The following ALG14 variants were observed in gnomAD, a reference collection of about 807,000 sequenced individuals.
ALG14 encodes ALG14 UDP-N-acetylglucosaminyltransferase subunit, also known as UDP-N-acetylglucosamine transferase subunit ALG14.
In ALG14, 17 loss-of-function variants were observed where a neutral mutation model predicts 22.8. The observed-to-expected ratio is 0.75, with a 90% confidence interval of 0.51 to 1.12. The LOEUF is 1.12. ALG14 is among the 50% of genes most tolerant of loss of function. The probability of loss-of-function intolerance (pLI) is 0.00; values close to 1 mark genes in which losing one functional copy is unlikely to be tolerated. For synonymous variants in ALG14, 89 were observed against 103.7 expected (o/e 0.86, Z 0.86); for missense variants, 288 against 271.8 (o/e 1.06, Z -0.42).
intron 2 of ALG14, among the ~76,000 whole-genome samples, chr1:95,052,520 A>G (rs530615180): frequency 3.2e-4 from 49 of 152,314 alleles, no homozygotes; most frequent in Admixed American, 1.5e-3. Context: ...TGGAGATATT[A>G]TATTTTTTCC....
chr1:95,001,850 G>A (rs562537182), intron 3 of ALG14, among the ~76,000 whole-genome samples: 2 of 152,302 alleles, frequency 1.3e-5, no homozygotes, highest in South Asian at 2.1e-4. Flanking sequence ...AAGACAGAGG[G>A]CTATTAACTA....
chr1:95,043,603 G>A (rs1432911356), intron 2 of ALG14, among the ~76,000 whole-genome samples: 6 of 152,124 alleles, frequency 3.9e-5, no homozygotes, highest in South Asian at 2.1e-4. Context: ...ACTGCCACCT[G>A]GTGGCAGGAT....
chr1:95,036,261 C>T (rs779497348), intron 2 of ALG14, among the ~76,000 whole-genome samples: 3 of 151,992 alleles, frequency 2.0e-5, no homozygotes, highest in Non-Finnish European at 4.4e-5. Context: ...TGTGATAGTG[C>T]GTTAGTTCTC....
intron 1 of ALG14, 71 bp downstream of exon 1, chr1:95,072,692 A>C: frequency 1.0e-5 from 16 of 1,576,928 alleles, no homozygotes; most frequent in African/African-American, 1.4e-5. Flanking sequence ...GTACCAGGGA[A>C]GAGCGTCGCG....
chr1:95,040,125 T>C lies in ALG14; in HGVS notation c.289-12865A>G, dbSNP rs189369114. Among the ~76,000 whole-genome samples, 6 of 151,808 alleles carry C rather than the reference T, an allele frequency of 4.0e-5. No individual in the cohort carries two copies. In the East Asian group the frequency reaches 1.2e-3, roughly 29 times the overall value. On this transcript the variant is annotated intron_variant, in intron 2 of 3. Coordinates refer to ENST00000370205, the MANE Select transcript of ALG14 (RefSeq NM_144988.4). ...AGGAAGAGGTTGTAGTGAGCCAAGA[T>C]TGAACCACTGCACTCCAGCCTGGGT...
At chr1:94,987,347 C>T (rs146707151) in intron 3 of ALG14, among the ~76,000 whole-genome samples, 18 of 152,226 alleles carry the variant, frequency 1.2e-4, no homozygotes, top group Non-Finnish European at 2.5e-4. Flanking sequence ...TTGTTCAACT[C>T]CCTGACTAGC....
chr1:95,011,116 T>C (rs1046135846), intron 3 of ALG14, among the ~76,000 whole-genome samples: 1 of 152,186 alleles, frequency 6.6e-6, no homozygotes. Flanking sequence ...TCCCAATTAC[T>C]TCCTGCTATG....
At position 94,983,090 on chromosome 1, in the gene ALG14, C is replaced by A; in HGVS notation, c.637G>T (p.Gly213Trp). 1 of 1,614,080 alleles carries A rather than the reference C, an allele frequency of 6.2e-7. No homozygotes were observed. The highest frequency in any genetic ancestry group is 1.3e-5 in the African/African-American group (1 of 75,022). ...GTTGCCATTTGTCAAACAATTCGCC[C>A]AAGGTACACCGATTTGGGATACTTT... The part of the protein sequence containing the change: ...KEKYPKSVYL[G>W]RIV The change falls in exon 4 of 4, where the codon GGG becomes TGG. Residue 213 changes from glycine to tryptophan, a missense_variant. Coordinates refer to ENST00000370205, the MANE Select transcript of ALG14 (RefSeq NM_144988.4).
At chr1:95,012,203 C>T (rs569752085) in intron 3 of ALG14, among the ~76,000 whole-genome samples, 132 of 152,312 alleles carry the variant, frequency 8.7e-4, no homozygotes, top group African/African-American at 3.1e-3. Context: ...TTATAAATTA[C>T]GCAGTCTCAG....
intron 2 of ALG14, chr1:95,061,908 T>C (rs1263494975): frequency 6.6e-6 from 1 of 152,036 alleles, no homozygotes; most frequent in Admixed American, 6.6e-5. Context: ...GAGAGAGGGA[T>C]GGATAAAGGC....
Position 95,031,955 on chromosome 1 carries a change from C to T in ALG14, c.289-4695G>A, listed in dbSNP as rs1330192912. On this transcript the variant is annotated intron_variant, in intron 2 of 3. Transcript: ENST00000370205. ...TCCCAAGTAGCTGGGACTACAGGCA[C>T]GCACCACCACACCCACCTAATTTTT... is the stretch of plus-strand genomic sequence containing the variant. Among the ~76,000 whole-genome samples the T allele has an allele frequency of 2.6e-5, 4 of 152,070 alleles. No individual in the cohort carries two copies. The East Asian group carries it at 5.8e-4, about 22-fold the overall frequency.
intron 3 of ALG14, among the ~76,000 whole-genome samples, chr1:94,993,726 C>T (rs1672837532): frequency 6.6e-6 from 1 of 152,142 alleles, no homozygotes. Flanking sequence ...GTCAATTTTG[C>T]CCTCGTACTA....
rs6682797 is a variant in ALG14, at chr1:95,018,819, T to C, written c.420+8310A>G. On this transcript the variant is annotated intron_variant, in intron 3 of 3. Transcript: ENST00000370205. ...TCCTTGAAAAACTGCAACAGGCAAA[T>C]TGGCTTAGGAATAATTAAACAGCAA... Among the ~76,000 whole-genome samples the C allele has an allele frequency of 3.6e-3, 552 of 152,228 alleles. 6 individuals carry two copies. Among genetic ancestry groups the C allele is most frequent in the African/African-American group, 0.013 (523 of 41,540 alleles).
intron 3 of ALG14, among the ~76,000 whole-genome samples, chr1:95,009,808 T>A (rs1015051401): frequency 9.8e-5 from 15 of 152,286 alleles, no homozygotes; most frequent in African/African-American, 3.4e-4. Flanking sequence ...GTTAATAGTA[T>A]TATACCAGCA....
intron 3 of ALG14, among the ~76,000 whole-genome samples, chr1:94,998,207 G>A (rs1672956991): frequency 6.6e-6 from 1 of 152,264 alleles, no homozygotes; most frequent in African/African-American, 2.4e-5. Context: ...GGATTAAACC[G>A]CACTTCCTGA....
chr1:94,975,911 G>T lies in ALG14; in HGVS notation c.*7165C>A, dbSNP rs1451594803. 1 of 151,732 alleles carries T rather than the reference G, an allele frequency of 6.6e-6. No individual in the cohort carries two copies. Among genetic ancestry groups the T allele is most frequent in the East Asian group, 1.9e-4 (1 of 5,152 alleles). 9.4% of individuals were successfully genotyped at this position (151,732 alleles called of 1,614,324 possible). A position where few individuals can be genotyped will look rare whatever the true frequency, so the allele number is the denominator to read the frequency against. On this transcript the variant is annotated 3_prime_UTR_variant, in exon 4 of 4. Coordinates refer to ENST00000370205, the MANE Select transcript of ALG14 (RefSeq NM_144988.4). ...AGGCGCCTGTAATCCCAGCTACTCG[G>T]GAGGCTGAGGCAGGACAATGGCGTG...
chr1:95,067,784 G>A (rs1447037906), intron 1 of ALG14, among the ~76,000 whole-genome samples: 1 of 152,072 alleles, frequency 6.6e-6, no homozygotes, highest in East Asian at 1.9e-4. Context: ...CCCTATTCGA[G>A]TTGATCAAAT....
At chr1:95,000,046 C>T (rs1175918980) in intron 3 of ALG14, among the ~76,000 whole-genome samples, 3 of 151,970 alleles carry the variant, frequency 2.0e-5, no homozygotes, top group Admixed American at 6.6e-5. Context: ...CATCACTTAT[C>T]GTCAATGGCT....
chr1:95,064,169 G>A (rs1249267869), intron 2 of ALG14, among the ~76,000 whole-genome samples: 1 of 152,166 alleles, frequency 6.6e-6, no homozygotes, highest in Non-Finnish European at 1.5e-5. Context: ...ATCAGCTTAA[G>A]AAGTTTTTGG....
Sources: allele counts gnomAD v4.1 joint callset (sites outside exome capture counted in the v4.1 genomes callset), GRCh38; gene constraint gnomAD v4.1.1; transcripts MANE v1.5; gene names NCBI Gene and HGNC (gene_info 2026-07-23, HGNC 2026-07-21).